Variants in IL4R observed in about 807,000 individuals in gnomAD.
IL4R encodes interleukin-4 receptor subunit alpha.
Under a neutral mutation model 41.5 loss-of-function variants are expected in IL4R, and 17 were observed. The ratio of observed to expected loss-of-function variants is 0.41; its 90% CI spans 0.28 to 0.61. The LOEUF (loss-of-function observed/expected upper bound fraction) is 0.61. IL4R is among the 20% of genes least tolerant of loss of function. IL4R has a pLI of 0.31. For synonymous variants in IL4R, 402 were observed against 422.9 expected (o/e 0.95, Z 0.61); for missense variants, 974 against 1,043.1 (o/e 0.93, Z 0.91).
intron 6 of IL4R, among the ~76,000 whole-genome samples, chr16:27,351,038 T>G (rs2085851295): frequency 6.6e-6 from 1 of 152,250 alleles, no homozygotes; most frequent in African/African-American, 2.4e-5. Flanking sequence ...GTTGGGAGTC[T>G]GGACATAGCT....
chr16:27,340,956 A>T, intron 3 of IL4R: 1 of 428,464 alleles, frequency 2.3e-6, no homozygotes, highest in South Asian at 2.0e-5. Flanking sequence ...GTGGTGGAGG[A>T]GAGTGAGCAG....
intron 10 of IL4R, chr16:27,361,150 T>G (rs1360885392): frequency 3.0e-6 from 2 of 659,838 alleles, no homozygotes; most frequent in African/African-American, 3.9e-5. Context: ...CCCCTCCTTT[T>G]TTTTAATATA....
intron 4 of IL4R, among the ~76,000 whole-genome samples, 164 bp downstream of exon 4, chr16:27,342,423 T>C (rs529196347): frequency 6.6e-6 from 1 of 152,246 alleles, no homozygotes; most frequent in African/African-American, 2.4e-5. Flanking sequence ...GGACATGTTA[T>C]GTAAGATACA....
At chr16:27,319,610 C>A (rs2084752608) in intron 1 of IL4R, among the ~76,000 whole-genome samples, 1 of 152,200 alleles carries the variant, frequency 6.6e-6, no homozygotes, top group South Asian at 2.1e-4. Flanking sequence ...TACAGACAGT[C>A]CAATCATTTT....
chr16:27,355,719 G>T, intron 7 of IL4R, 89 bp from the exon 8 acceptor site: 2 of 866,934 alleles, frequency 2.3e-6, no homozygotes, highest in Admixed American at 1.8e-5. Context: ...TCGGACGAGG[G>T]TCCTGACCCT....
In IL4R at chr16:27,362,978, GCC is replaced by G; in HGVS notation, c.1629_1630del (p.Gln544ThrfsTer2). 6.2e-7 allele frequency: 1 copy of G among 1,614,100 alleles called. No individual in the cohort carries two copies. The highest frequency in any genetic ancestry group is 1.1e-5 in the South Asian group (1 of 91,084). On this transcript the variant is annotated frameshift_variant, in exon 11 of 11. Transcript: ENST00000395762. LOFTEE classifies it low-confidence loss of function (END_TRUNC). ...CCCAGCTCTCTGAGCCAACCACTGTGCCCCAACCTGAGCCAGAAACCTGGGAG... is the reference window on the plus strand; with the variant it reads ...CCCAGCTCTCTGAGCCAACCACTGTGCCAACCTGAGCCAGAAACCTGGGAG... ...VPQLSEPTTV[P>X]QPEPETWEQI...
In IL4R at chr16:27,363,441, G is replaced by C. The variant is rs766327884; in HGVS notation, c.2089G>C (p.Glu697Gln). 6.2e-7 allele frequency: 1 copy of C among 1,614,128 alleles called. No individual in the cohort carries two copies. Among genetic ancestry groups the C allele is most frequent in the Non-Finnish European group, 8.5e-7 (1 of 1,180,012 alleles). The change falls in exon 11 of 11, where the codon GAG (glutamate) becomes CAG (glutamine). Residue 697 changes from glutamate to glutamine, a missense_variant. Coordinates refer to ENST00000395762, the MANE Select transcript of IL4R (RefSeq NM_000418.4). ...EDMPKPPLPQ[E>Q]QATDPLVDSL... is the part of the protein sequence containing the mutation. Reference sequence around the variant, plus strand: ...CATGCCAAAGCCCCCACTTCCCCAGGAGCAGGCCACAGACCCCCTTGTGGA... The same window carrying C: ...CATGCCAAAGCCCCCACTTCCCCAGCAGCAGGCCACAGACCCCCTTGTGGA...
At chr16:27,341,942 A>G (rs1596813673) in intron 3 of IL4R, 179 bp from the exon 4 acceptor site, 1 of 610,080 alleles carries the variant, frequency 1.6e-6, no homozygotes. Flanking sequence ...TTCCACAGTC[A>G]TCCCGACACT....
chr16:27,363,689 C>A lies in IL4R; in HGVS notation c.2337C>A (p.Ser779=), dbSNP rs1223921723. 2 of 1,613,976 alleles carry A rather than the reference C, an allele frequency of 1.2e-6. No individual in the cohort carries two copies. The highest frequency in any genetic ancestry group is 1.7e-6 in the Non-Finnish European group (2 of 1,180,012). Residue 779 remains serine (S), a synonymous_variant, in exon 11 of 11, where the codon TCC becomes TCA. Coordinates refer to ENST00000395762, the MANE Select transcript of IL4R (RefSeq NM_000418.4). Reference sequence around the variant, plus strand: ...TGGAGGCCAGTCTGTGTCCGGCCTCCCTGGCACCCTCGGGCATCTCAGAGA... The same window carrying A: ...TGGAGGCCAGTCTGTGTCCGGCCTCACTGGCACCCTCGGGCATCTCAGAGA... ...VPLEASLCPA[S]LAPSGISEKS...
intron 2 of IL4R, among the ~76,000 whole-genome samples, chr16:27,336,903 A>G (rs1432444315): frequency 6.6e-6 from 1 of 151,474 alleles, no homozygotes; most frequent in Non-Finnish European, 1.5e-5. Context: ...GCATGGAGAA[A>G]CCCTGTCTCT....
At chr16:27,335,695 A>G (rs1356742672) in intron 2 of IL4R, among the ~76,000 whole-genome samples, 1 of 152,074 alleles carries the variant, frequency 6.6e-6, no homozygotes, top group Non-Finnish European at 1.5e-5. Flanking sequence ...CAAGAATTCC[A>G]AGCCTATCTG....
At position 27,342,137 on chromosome 16, in the gene IL4R, G is replaced by A; in HGVS notation, c.87G>A (p.Leu29=). ...TCTCCCCAGGGAACATGAAGGTCTT[G>A]CAGGAGCCCACCTGCGTCTCCGACT... is the stretch of plus-strand genomic sequence containing the variant. The part of the protein sequence containing the change: ...QVASSGNMKV[L]QEPTCVSDYM... Residue 29 remains leucine, a synonymous_variant, in exon 4 of 11, where the codon TTG becomes TTA. Transcript: ENST00000395762. 6.2e-7 allele frequency: 1 copy of A among 1,614,166 alleles called. No homozygotes were observed. The highest frequency in any genetic ancestry group is 8.5e-7 in the Non-Finnish European group (1 of 1,180,016).
At chr16:27,342,027 G>T in intron 3 of IL4R, 94 bp from the exon 4 acceptor site, 1 of 1,435,272 alleles carries the variant, frequency 7.0e-7, no homozygotes, top group Non-Finnish European at 9.5e-7. Context: ...CCTGCACTGT[G>T]CTTTTGTGCT....
chr16:27,335,603 CAT>C (rs1213474772), intron 2 of IL4R, among the ~76,000 whole-genome samples: 2 of 152,100 alleles, frequency 1.3e-5, no homozygotes, highest in African/African-American at 2.4e-5. Flanking sequence ...AAGTGGATAC[CAT>C]AATATTCATT....
At chr16:27,324,414 C>T (rs1221736022) in intron 1 of IL4R, among the ~76,000 whole-genome samples, 1 of 152,194 alleles carries the variant, frequency 6.6e-6, no homozygotes, top group South Asian at 2.1e-4. Context: ...GGAATTCATC[C>T]TGTCGTTCTT....
Position 27,360,790 on chromosome 16 carries a change from C to A in IL4R, c.874C>A (p.Arg292=), listed in dbSNP as rs533865105. 25 of 1,614,136 alleles carry A rather than the reference C, an allele frequency of 1.5e-5. No individual in the cohort carries two copies. In the South Asian group the frequency reaches 1.9e-4, roughly 12 times the overall value. The change falls in exon 10 of 11, where the codon CGA becomes AGA. Residue 292 remains arginine, a synonymous_variant. Coordinates refer to ENST00000395762, the MANE Select transcript of IL4R (RefSeq NM_000418.4). ...GGGGTCACAGTGGGAGAAGCGGTCC[C>A]GAGGCCAGGAACCAGCCAAGTGCCC... ...AQGSQWEKRS[R]GQEPAKCPHW... is the part of the protein sequence containing the mutation.
At chr16:27,350,872 A>T (rs549565211) in intron 6 of IL4R, among the ~76,000 whole-genome samples, 2 of 152,346 alleles carry the variant, frequency 1.3e-5, no homozygotes, top group East Asian at 3.9e-4. Context: ...TAGGGCAGGC[A>T]GAGGGCATGT....
chr16:27,345,957 G>A lies in IL4R; in HGVS notation c.362-510G>A, dbSNP rs1472492585. Among the ~76,000 whole-genome samples the A allele has an allele frequency of 1.3e-5, 2 of 152,188 alleles. No homozygotes were observed. Among genetic ancestry groups the A allele is most frequent in the Admixed American group, 6.5e-5 (1 of 15,284 alleles). On this transcript the variant is annotated intron_variant, in intron 5 of 10. Transcript: ENST00000395762. This position sits in a 1 kb window ranked among gnomAD's most constrained non-coding sequence, Gnocchi z 4.5. ...ACTGCCCTCCAGCCTGGGCGACAGA[G>A]TGAGATTACGTCTCAAAAAAATAAA...
At chr16:27,356,455 C>T (rs1300494234) in intron 8 of IL4R, among the ~76,000 whole-genome samples, 1 of 152,182 alleles carries the variant, frequency 6.6e-6, no homozygotes, top group Non-Finnish European at 1.5e-5. Context: ...CAATCACAAA[C>T]AGGTGGTTTT....
Sources: allele counts gnomAD v4.1 joint callset (sites outside exome capture counted in the v4.1 genomes callset), GRCh38; gene constraint gnomAD v4.1.1; non-coding constraint Gnocchi (gnomAD v3.1); transcripts MANE v1.5; gene names NCBI Gene and HGNC (gene_info 2026-07-23, HGNC 2026-07-21).